PIK3R5: variants seen among roughly 807,000 people sequenced by gnomAD.
The protein encoded by PIK3R5 is phosphoinositide 3-kinase regulatory subunit 5.
A neutral mutation model predicts 94.9 loss-of-function variants in PIK3R5; 32 were observed. The observed-to-expected ratio is 0.34, with a 90% CI of 0.25 to 0.45. The LOEUF is 0.45. Among genes scored for constraint, PIK3R5 ranks in the 20% least tolerant of loss-of-function variants. The pLI, the probability that PIK3R5 is intolerant of heterozygous loss-of-function variation, is 1.00. For missense variants in PIK3R5, 853 were observed against 1,144.6 expected (o/e 0.75, Z 3.68); for synonymous variants, 443 against 479.4 (o/e 0.92, Z 0.99).
chr17:8,960,668 G>A (rs2091547490), intron 1 of PIK3R5, among the ~76,000 whole-genome samples: 1 of 152,230 alleles, frequency 6.6e-6, no homozygotes. Flanking sequence ...AGATCACGTG[G>A]CTAGGAGTTG....
At position 8,904,877 on chromosome 17, in the gene PIK3R5, C is replaced by T. The variant is rs1486784821; in HGVS notation, c.312G>A (p.Lys104=). The T allele has an allele frequency of 6.2e-7, 1 of 1,613,860 alleles. No homozygotes were observed. The highest frequency in any genetic ancestry group is 8.5e-7 in the Non-Finnish European group (1 of 1,180,028). Residue 104 remains lysine (K), a synonymous_variant, in exon 5 of 19, where the codon AAG becomes AAA. Coordinates refer to ENST00000447110, the MANE Select transcript of PIK3R5 (RefSeq NM_001142633.3). The surrounding 1 kb of genome is among the most constrained non-coding windows in gnomAD (Gnocchi z 5.1). ...GGAACCGGTGGTAGGTGCTGGCTGC[C>T]TTCAGAAGGAGATCCGAGTCTGGTG... ...HFPPDSDLLL[K]AASTYHRFLT...
At chr17:8,949,995 A>T (rs2151470663) in intron 1 of PIK3R5, among the ~76,000 whole-genome samples, 1 of 152,348 alleles carries the variant, frequency 6.6e-6, no homozygotes, top group East Asian at 1.9e-4. Flanking sequence ...ACATTATTAA[A>T]AGACAGTTTG....
chr17:8,893,740 C>T lies in PIK3R5; in HGVS notation c.413-85G>A. On this transcript the variant is annotated intron_variant, in intron 5 of 18. Coordinates refer to ENST00000447110, the MANE Select transcript of PIK3R5 (RefSeq NM_001142633.3). The surrounding 1 kb of genome is among the most constrained non-coding windows in gnomAD (Gnocchi z 5.1). The stretch of plus-strand genomic sequence containing the variant: ...GCCTCGTGGGGAGCCAAGCACTGGA[C>T]AATCAGGTTGGAAATTCCCGGATGG... The T allele has an allele frequency of 9.5e-7, 1 of 1,055,312 alleles. No individual in the cohort carries two copies. The highest frequency in any genetic ancestry group is 1.5e-6 in the Non-Finnish European group (1 of 683,116). The allele number at this position is 1,055,312 out of a possible 1,614,324, so 65.4% of individuals were successfully genotyped here.
chr17:8,953,320 A>C (rs2091410821), intron 1 of PIK3R5, among the ~76,000 whole-genome samples: 1 of 152,176 alleles, frequency 6.6e-6, no homozygotes, highest in Non-Finnish European at 1.5e-5. Flanking sequence ...TGCTTACATA[A>C]GGCTAGTCCT....
At chr17:8,944,162 A>C (rs1017971021) in intron 1 of PIK3R5, among the ~76,000 whole-genome samples, 2 of 152,002 alleles carry the variant, frequency 1.3e-5, no homozygotes, top group African/African-American at 4.8e-5. Flanking sequence ...TTCCTGCATT[A>C]GTTTGCTAAG....
At chr17:8,937,948 T>C (rs2091106382) in intron 1 of PIK3R5, among the ~76,000 whole-genome samples, 1 of 152,184 alleles carries the variant, frequency 6.6e-6, no homozygotes. Context: ...TAGCTGGGAT[T>C]ACAGGCACCT....
chr17:8,880,975 C>T lies in PIK3R5; in HGVS notation c.2425G>A (p.Gly809Ser), dbSNP rs746906096. 8 of 1,614,132 alleles carry T rather than the reference C, an allele frequency of 5.0e-6. No homozygotes were observed. Among genetic ancestry groups the T allele is most frequent in the East Asian group, 2.2e-5 (1 of 44,880 alleles). Residue 809 changes from glycine to serine, a missense_variant, in exon 18 of 19, where the codon GGC (glycine) becomes AGC (serine). Gly to Ser is a moderately conservative substitution (Grantham distance 56). Transcript: ENST00000447110. The stretch of plus-strand genomic sequence containing the variant: ...ACAGCAAAGGGGCAGCTGTTGGAGC[C>T]GATGATCTGCACCTTGTCCACTTTG... ...QIKVDKVQII[G>S]SNSCPFAVCL...
chr17:8,911,305 C>A lies in PIK3R5; in HGVS notation c.103+87G>T. On this transcript the variant is annotated intron_variant, in intron 2 of 18. Transcript: ENST00000447110. This position sits in a 1 kb window ranked among gnomAD's most constrained non-coding sequence, Gnocchi z 5.3. ...CAGACAGGGTTTCACCTAGAATTTG[C>A]CAGTTTCCATGCCTGGTCCAGTGCC... 4.8e-6 allele frequency: 5 copies of A among 1,038,248 alleles called. No homozygotes were observed. The highest frequency in any genetic ancestry group is 7.3e-6 in the Non-Finnish European group (5 of 686,432). 64.3% of individuals were successfully genotyped at this position (1,038,248 alleles called of 1,614,324 possible). A position where few individuals can be genotyped will look rare whatever the true frequency, so the allele number is the denominator to read the frequency against.
At chr17:8,886,740 G>C (rs2089868525) in intron 12 of PIK3R5, 135 bp from the exon 13 acceptor site, 1 of 1,044,786 alleles carries the variant, frequency 9.6e-7, no homozygotes, top group Non-Finnish European at 1.4e-6. Flanking sequence ...GGTGGAAGCA[G>C]GAAGCAGGGG....
intron 5 of PIK3R5, among the ~76,000 whole-genome samples, chr17:8,903,290 A>T (rs995214269): frequency 6.6e-6 from 1 of 151,642 alleles, no homozygotes; most frequent in South Asian, 2.1e-4. Flanking sequence ...ATATTTCTAG[A>T]TATTACATCT....
intron 5 of PIK3R5, among the ~76,000 whole-genome samples, chr17:8,898,760 T>A (rs548462671): frequency 6.6e-6 from 1 of 152,242 alleles, no homozygotes; most frequent in East Asian, 1.9e-4. Flanking sequence ...GCTCAGAGAG[T>A]CTAAGGAACT....
chr17:8,891,618 C>T (rs1266911011), intron 6 of PIK3R5, among the ~76,000 whole-genome samples: 13 of 144,606 alleles, frequency 9.0e-5, no homozygotes, highest in East Asian at 4.0e-4. Flanking sequence ...TTTTTTGAGA[C>T]GGAGTCTTGT....
Position 8,925,915 on chromosome 17 carries a change from C to A in PIK3R5, c.-13-14408G>T, listed in dbSNP as rs1247274423. The stretch of plus-strand genomic sequence containing the variant: ...TTGTCCGAGTTCTATCCCCTTCAGA[C>A]CCCAATGGAGAGGTCTGGGCTACAG... On this transcript the variant is annotated intron_variant, in intron 1 of 18. Transcript: ENST00000447110. This position sits in a 1 kb window ranked among gnomAD's most constrained non-coding sequence, Gnocchi z 5.1. Among the ~76,000 whole-genome samples the A allele has an allele frequency of 1.3e-5, 2 of 152,188 alleles. No homozygotes were observed. Among genetic ancestry groups the A allele is most frequent in the Non-Finnish European group, 2.9e-5 (2 of 68,024 alleles).
rs61759566 is a variant in PIK3R5 at position 8,911,864 on chromosome 17, G to C, written c.-13-357C>G. On this transcript the variant is annotated intron_variant, in intron 1 of 18. Coordinates refer to ENST00000447110, the MANE Select transcript of PIK3R5 (RefSeq NM_001142633.3). The surrounding 1 kb of genome is among the most constrained non-coding windows in gnomAD (Gnocchi z 5.3). The stretch of plus-strand genomic sequence containing the variant: ...AGTGGGCTGGGCAGGAAGATCCTGA[G>C]GGGAAAATCAGAATCACTCGGAGGA... The C allele has an allele frequency of 0.05, 8,656 of 172,198 alleles. 251 individuals are homozygous for C. The highest frequency in any genetic ancestry group is 0.065 in the Non-Finnish European group (5,273 of 80,978). 10.7% of individuals were successfully genotyped at this position (172,198 alleles called of 1,614,324 possible).
chr17:8,954,399 G>A (rs754313919), intron 1 of PIK3R5, among the ~76,000 whole-genome samples: 1 of 152,164 alleles, frequency 6.6e-6, no homozygotes, highest in South Asian at 2.1e-4. Context: ...CAGTTTCTTC[G>A]CCTTACTCCC....
At chr17:8,894,075 G>A (rs941600661) in intron 5 of PIK3R5, among the ~76,000 whole-genome samples, 11 of 152,184 alleles carry the variant, frequency 7.2e-5, no homozygotes, top group Non-Finnish European at 1.2e-4. Flanking sequence ...GCTCTTCTGC[G>A]TGGCCTTGGC....
intron 1 of PIK3R5, among the ~76,000 whole-genome samples, chr17:8,961,495 C>T (rs560094787): frequency 2.4e-4 from 36 of 152,160 alleles, no homozygotes; most frequent in African/African-American, 7.2e-4. Context: ...ATTAGCCAGG[C>T]GTGGAAGCGG....
At chr17:8,946,776 T>G (rs946888181) in intron 1 of PIK3R5, among the ~76,000 whole-genome samples, 4 of 151,920 alleles carry the variant, frequency 2.6e-5, no homozygotes, top group Non-Finnish European at 4.4e-5. Flanking sequence ...CGCCTGCCGT[T>G]CTCTCTGCCT....
rs530485726 is a variant in PIK3R5, at chr17:8,892,656, A to G, written c.482+930T>C. Among the ~76,000 whole-genome samples the G allele has an allele frequency of 6.6e-6, 1 of 152,112 alleles. No individual in the cohort carries two copies. Among genetic ancestry groups the G allele is most frequent in the East Asian group, 1.9e-4 (1 of 5,178 alleles). ...AATCTTATTTACTTACTAAACTACA[A>G]CATTTTAGCATCCTTTCCCTCTGTC... On this transcript the variant is annotated intron_variant, in intron 6 of 18. Transcript: ENST00000447110. The surrounding 1 kb of genome is among the most constrained non-coding windows in gnomAD (Gnocchi z 4.3).
Sources: allele counts gnomAD v4.1 joint callset (sites outside exome capture counted in the v4.1 genomes callset), GRCh38; gene constraint gnomAD v4.1.1; non-coding constraint Gnocchi (gnomAD v3.1); transcripts MANE v1.5; gene names NCBI Gene and HGNC (gene_info 2026-07-23, HGNC 2026-07-21).